CHRM3: variants seen among roughly 807,000 people sequenced by gnomAD.
The protein encoded by CHRM3 is muscarinic acetylcholine receptor M3.
A neutral mutation model predicts 41.8 loss-of-function variants in CHRM3; 11 were observed. That is an observed-to-expected ratio of 0.26 (90% CI 0.17 to 0.44). CHRM3 has a LOEUF of 0.44. CHRM3 is among the 20% of genes least tolerant of loss of function. The pLI, the probability that CHRM3 is intolerant of heterozygous loss-of-function variation, is 1.00. For synonymous variants in CHRM3, 297 were observed against 301.4 expected, an observed-to-expected ratio of 0.99 and a Z score of 0.15; for missense variants, 571 against 745.4, an observed-to-expected ratio of 0.77 and a Z score of 2.72.
chr1:239,519,382 C>T (rs1669477190), intron 2 of CHRM3, among the ~76,000 whole-genome samples: 1 of 152,020 alleles, frequency 6.6e-6, no homozygotes, highest in Non-Finnish European at 1.5e-5. Flanking sequence ...TGAGACGTAC[C>T]AAATATAGCC....
chr1:239,891,001 C>A (rs1486439845), intron 6 of CHRM3, among the ~76,000 whole-genome samples: 4 of 152,140 alleles, frequency 2.6e-5, no homozygotes, highest in Non-Finnish European at 4.4e-5. Context: ...AAAGACAAGC[C>A]TTACAGGATG....
intron 5 of CHRM3, among the ~76,000 whole-genome samples, chr1:239,786,933 T>G (rs1170262011): frequency 1.3e-5 from 2 of 152,148 alleles, no homozygotes; most frequent in African/African-American, 2.4e-5. Flanking sequence ...AAGGACATTG[T>G]GCAAGCAAAC....
chr1:239,656,680 T>C (rs1009854393), intron 4 of CHRM3, among the ~76,000 whole-genome samples: 22 of 151,888 alleles, frequency 1.4e-4, no homozygotes, highest in African/African-American at 5.1e-4. Context: ...AAAATTTTGG[T>C]ATTGAGGTTA....
chr1:239,742,093 T>A (rs1456624978), intron 5 of CHRM3, among the ~76,000 whole-genome samples: 13 of 552 alleles, frequency 0.024, no homozygotes, highest in Middle Eastern at 0.5. Context: ...CATGCATACG[T>A]TTTTTTTTTT....
chr1:239,433,124 C>A (rs1206884918), intron 1 of CHRM3, among the ~76,000 whole-genome samples: 1 of 152,120 alleles, frequency 6.6e-6, no homozygotes, highest in Non-Finnish European at 1.5e-5. Flanking sequence ...AACTCATGAC[C>A]CAAACTGACT....
intron 5 of CHRM3, among the ~76,000 whole-genome samples, chr1:239,714,651 G>C (rs1002508657): frequency 1.3e-5 from 2 of 152,156 alleles, no homozygotes; most frequent in Admixed American, 6.6e-5. Context: ...TAGCTGAAGA[G>C]GTAGGGAAGA....
chr1:239,576,348 T>G (rs1439788374), intron 3 of CHRM3, among the ~76,000 whole-genome samples: 1 of 152,092 alleles, frequency 6.6e-6, no homozygotes, highest in Admixed American at 6.6e-5. Flanking sequence ...TACTTGAGAT[T>G]GTTCAAAAAG....
chr1:239,894,514 C>A (rs1266832012), intron 6 of CHRM3, among the ~76,000 whole-genome samples: 1 of 152,086 alleles, frequency 6.6e-6, no homozygotes, highest in Non-Finnish European at 1.5e-5. Flanking sequence ...CTCACTGCAA[C>A]CTCTGCCTCC....
chr1:239,537,568 T>TG (rs1658328471), intron 2 of CHRM3, among the ~76,000 whole-genome samples: 2 of 152,154 alleles, frequency 1.3e-5, no homozygotes, highest in African/African-American at 4.8e-5. Flanking sequence ...CTCCAAACTC[T>TG]ATATCAGTCC....
At chr1:239,774,386 A>T (rs1422658849) in intron 5 of CHRM3, among the ~76,000 whole-genome samples, 1 of 152,172 alleles carries the variant, frequency 6.6e-6, no homozygotes, top group Non-Finnish European at 1.5e-5. Context: ...GGGTACTCAG[A>T]ACAATAGGAG....
intron 1 of CHRM3, among the ~76,000 whole-genome samples, chr1:239,418,316 A>G (rs1275933608): frequency 6.6e-6 from 1 of 151,714 alleles, no homozygotes; most frequent in Admixed American, 6.6e-5. Flanking sequence ...AACTTTTAGC[A>G]GTGCTTAGAT....
At chr1:239,470,195 G>T (rs536761633) in intron 1 of CHRM3, among the ~76,000 whole-genome samples, 89 of 152,120 alleles carry the variant, frequency 5.9e-4, no homozygotes, top group Admixed American at 1.8e-3. Context: ...AGAGGAGAAG[G>T]TGATGTGAAG....
chr1:239,874,326 T>TATATATATATATATATATATATATAC (rs1327295792), intron 6 of CHRM3, among the ~76,000 whole-genome samples: 2 of 121,986 alleles, frequency 1.6e-5, no homozygotes, highest in African/African-American at 3.1e-5. Flanking sequence ...TATATATATA[T>TATATATATATATATATATATATATAC]ACACAGTTGA....
chr1:239,541,843 T>C (rs1658811562), intron 2 of CHRM3, among the ~76,000 whole-genome samples: 1 of 152,168 alleles, frequency 6.6e-6, no homozygotes, highest in African/African-American at 2.4e-5. Flanking sequence ...CTCACCAAGA[T>C]TGCCTTTCTG....
chr1:239,890,766 GCAT>G (rs1210057440), intron 6 of CHRM3, among the ~76,000 whole-genome samples: 11 of 152,174 alleles, frequency 7.2e-5, no homozygotes, highest in Non-Finnish European at 1.3e-4. Flanking sequence ...TCTTCCACTA[GCAT>G]CATAAAGATT....
At chr1:239,630,977 T>C (rs726169) in intron 3 of CHRM3, among the ~76,000 whole-genome samples, 56,164 of 151,672 alleles carry the variant, frequency 0.37, 10,842 homozygotes, top group African/African-American at 0.44. Flanking sequence ...CCCTCCCTTG[T>C]TGAAAGTGGG....
intron 1 of CHRM3, among the ~76,000 whole-genome samples, chr1:239,406,146 TC>T (rs1477456662): frequency 1.3e-5 from 2 of 152,184 alleles, no homozygotes; most frequent in Admixed American, 6.5e-5. Flanking sequence ...CGCCTAGGCC[TC>T]CCAAAGTGCT....
chr1:239,511,633 C>A (rs1668928196), intron 2 of CHRM3, among the ~76,000 whole-genome samples: 1 of 151,878 alleles, frequency 6.6e-6, no homozygotes, highest in Admixed American at 6.6e-5. Flanking sequence ...GGGAGTGGGA[C>A]AAAATTATAT....
chr1:239,734,529 AT>A (rs915116450), intron 5 of CHRM3, among the ~76,000 whole-genome samples: 1 of 151,758 alleles, frequency 6.6e-6, no homozygotes, highest in Admixed American at 6.6e-5. Context: ...AGAATCAAGC[AT>A]TTTTTTTCTG....
Sources: allele counts gnomAD v4.1 joint callset (sites outside exome capture counted in the v4.1 genomes callset), GRCh38; gene constraint gnomAD v4.1.1; transcripts MANE v1.5; gene names NCBI Gene and HGNC (gene_info 2026-07-23, HGNC 2026-07-21).